The following CD8B variants were observed in gnomAD, a reference collection of about 807,000 sequenced individuals.
The protein encoded by CD8B is CD8 subunit beta.
Under a neutral mutation model 24.2 loss-of-function variants are expected in CD8B, and 6 were observed. That is an observed-to-expected ratio of 0.25 (90% CI 0.14 to 0.49). CD8B has a LOEUF of 0.49. Ranked by LOEUF, CD8B falls within the 20% of genes least tolerant of loss-of-function variation. The pLI is 0.98. For missense variants in CD8B, 196 were observed against 271.3 expected, an observed-to-expected ratio of 0.72 and a Z score of 1.95; for synonymous variants, 84 against 108.3, an observed-to-expected ratio of 0.78 and a Z score of 1.39.
chr2:86,860,689 T>G (rs11686235), intron 1 of CD8B, among the ~76,000 whole-genome samples: 4 of 151,952 alleles, frequency 2.6e-5, no homozygotes, highest in East Asian at 3.9e-4. Flanking sequence ...ATCCTCTCCC[T>G]GATGGTGGTT....
At chr2:86,819,414 T>C (rs1401015134) in intron 5 of CD8B, among the ~76,000 whole-genome samples, 1 of 152,238 alleles carries the variant, frequency 6.6e-6, no homozygotes, top group Non-Finnish European at 1.5e-5. Flanking sequence ...TAGGGGCTAA[T>C]GCAGCTGGTG....
chr2:86,857,988 G>T (rs1392181166), intron 2 of CD8B, 69 bp downstream of exon 2: 15 of 1,512,486 alleles, frequency 9.9e-6, no homozygotes, highest in Non-Finnish European at 1.3e-5. Context: ...GAAGCCTGGT[G>T]GTCCCAGTGC....
intron 5 of CD8B, chr2:86,844,535 A>C (rs1471721533): frequency 1.0e-6 from 1 of 992,954 alleles, no homozygotes; most frequent in Non-Finnish European, 1.4e-6. Context: ...TGCTCTCCTC[A>C]GGAGAGCTAA....
At chr2:86,833,031 CT>C in intron 5 of CD8B, 1 of 406,630 alleles carries the variant, frequency 2.5e-6, no homozygotes, top group Non-Finnish European at 4.9e-6. Flanking sequence ...CCCCTCCACC[CT>C]TCCTCTTGCT....
chr2:86,843,043 G>A (rs1558756800), intron 5 of CD8B, among the ~76,000 whole-genome samples: 2 of 152,168 alleles, frequency 1.3e-5, no homozygotes, highest in African/African-American at 4.8e-5. Flanking sequence ...TAGTACCAGA[G>A]AGGGACTTAC....
chr2:86,834,313 T>A (rs1320598658), downstream of CD8B, among the ~76,000 whole-genome samples: 1 of 151,198 alleles, frequency 6.6e-6, no homozygotes, highest in Non-Finnish European at 1.5e-5. Flanking sequence ...TTTACATTTT[T>A]ACTCAGTGAC....
intron 5 of CD8B, among the ~76,000 whole-genome samples, chr2:86,827,266 C>G (rs560121105): frequency 6.6e-6 from 1 of 151,716 alleles, no homozygotes; most frequent in South Asian, 2.1e-4. Flanking sequence ...AAAAAACCTT[C>G]TGGTAGAGTT....
At chr2:86,849,824 C>T (rs1325837638) in intron 3 of CD8B, among the ~76,000 whole-genome samples, 1 of 151,806 alleles carries the variant, frequency 6.6e-6, no homozygotes, top group East Asian at 1.9e-4. Context: ...CTTCCTCAGC[C>T]TCCTAAGTCG....
intron 5 of CD8B, among the ~76,000 whole-genome samples, chr2:86,824,418 C>G (rs571746603): frequency 6.6e-6 from 1 of 152,164 alleles, no homozygotes; most frequent in African/African-American, 2.4e-5. Flanking sequence ...AACAGGAAAG[C>G]AATTGTTACC....
rs137953763 is a variant in CD8B, at chr2:86,858,409, A to G, written c.51T>C (p.His17=). 1 of 1,586,172 alleles carries G rather than the reference A, an allele frequency of 6.3e-7. No homozygotes were observed. The highest frequency in any genetic ancestry group is 8.6e-7 in the Non-Finnish European group (1 of 1,163,216). The part of the protein sequence containing the change: ...LLLAAQLTVL[H]GNSVLQQTPA... ...GGGTCTGCTGGAGGACTGAGTTGCC[A>G]TGGAGAACTAGGAAAAGCCAAGAAC... The change falls in exon 2 of 6, where the codon CAT becomes CAC. Residue 17 remains histidine (H), a synonymous_variant. Coordinates refer to ENST00000390655, the MANE Select transcript of CD8B (RefSeq NM_004931.5).
chr2:86,826,890 C>T (rs1374649300), intron 5 of CD8B, among the ~76,000 whole-genome samples: 2 of 150,626 alleles, frequency 1.3e-5, no homozygotes, highest in South Asian at 2.1e-4. Flanking sequence ...GGCATGATCT[C>T]GGCTCACTGC....
chr2:86,841,759 G>A lies in CD8B; in HGVS notation c.*548C>T, dbSNP rs1573509878. 12 of 985,416 alleles carry A rather than the reference G, an allele frequency of 1.2e-5. No homozygotes were observed. In the South Asian group the frequency reaches 4.2e-4, roughly 35 times the overall value. The allele number at this position is 985,416 out of a possible 1,614,324, so 61.0% of individuals were successfully genotyped here. ...CCTATCCTCAAACCCGCAAGTTCCC[G>A]GCCCCAAAGGAAGCCCTCAGAGACT... On this transcript the variant is annotated 3_prime_UTR_variant, in exon 6 of 6. Transcript: ENST00000390655.
intron 3 of CD8B, among the ~76,000 whole-genome samples, chr2:86,848,661 A>G (rs1675807747): frequency 7.8e-6 from 1 of 127,392 alleles, no homozygotes; most frequent in South Asian, 2.6e-4. Context: ...CTAAATGCAA[A>G]CTCCCATCTT....
intron 5 of CD8B, among the ~76,000 whole-genome samples, chr2:86,824,277 C>CT (rs1251505556): frequency 6.6e-6 from 1 of 152,116 alleles, no homozygotes; most frequent in African/African-American, 2.4e-5. Flanking sequence ...GATAGCAAGG[C>CT]TGAGGCTCAG....
chr2:86,835,314 ACCCTACCTC>A (rs1182025709), downstream of CD8B, among the ~76,000 whole-genome samples: 1 of 152,150 alleles, frequency 6.6e-6, no homozygotes, highest in Non-Finnish European at 1.5e-5. Context: ...TGTGGAAGCC[ACCCTACCTC>A]CCTGTTTCCA....
intron 5 of CD8B, among the ~76,000 whole-genome samples, chr2:86,826,628 G>A (rs1674698318): frequency 6.6e-6 from 1 of 152,176 alleles, no homozygotes; most frequent in African/African-American, 2.4e-5. Context: ...TGCTGGGTGT[G>A]AAGCGTGGCT....
At position 86,841,513 on chromosome 2, in the gene CD8B, TTTCTG is replaced by T. The variant is rs1675421289; in HGVS notation, c.*789_*793del. On this transcript the variant is annotated 3_prime_UTR_variant, in exon 6 of 6. Transcript: ENST00000390655. ...GGATGTACAAATTTTCTCCTTCTGGTTTCTGTTCCACGGAGCACTGATGTCTTTGC... is the reference window on the plus strand; with the variant it reads ...GGATGTACAAATTTTCTCCTTCTGGTTTCCACGGAGCACTGATGTCTTTGC... The T allele has an allele frequency of 1.2e-6, 1 of 819,862 alleles. No individual in the cohort carries two copies. Among genetic ancestry groups the T allele is most frequent in the African/African-American group, 1.9e-5 (1 of 52,888 alleles). 50.8% of individuals were successfully genotyped at this position (819,862 alleles called of 1,614,324 possible).
chr2:86,827,737 A>G (rs1674749706), intron 5 of CD8B, among the ~76,000 whole-genome samples: 1 of 152,160 alleles, frequency 6.6e-6, no homozygotes. Context: ...TTTGCAACAT[A>G]GAGATCTACA....
At position 86,842,266 on chromosome 2, in the gene CD8B, G is replaced by A. The variant is rs367554909; in HGVS notation, c.*41C>T. ...TTCCACATCGTGCTCGTTACTGACC[G>A]ATGTCTTTTTGTAGCAGGACACCAA... On this transcript the variant is annotated 3_prime_UTR_variant, in exon 6 of 6. Transcript: ENST00000390655. 18 of 1,573,472 alleles carry A rather than the reference G, an allele frequency of 1.1e-5. No homozygotes were observed. The highest frequency in any genetic ancestry group is 1.7e-4 in the Middle Eastern group (1 of 5,860).
Sources: gnomAD v4.1 joint callset for allele counts (sites outside exome capture counted in the v4.1 genomes callset) on GRCh38, gnomAD v4.1.1 for gene constraint, MANE v1.5 for transcripts, NCBI Gene and HGNC (gene_info 2026-07-23, HGNC 2026-07-21) for gene names.